The following SIK3 variants were observed in gnomAD, a reference collection of about 807,000 sequenced individuals.
The protein encoded by SIK3 is serine/threonine-protein kinase SIK3.
SIK3 carries 28 observed loss-of-function variants against 144.2 expected under a neutral mutation model. The ratio of observed to expected loss-of-function variants is 0.19; its 90% confidence interval spans 0.14 to 0.27. The LOEUF (loss-of-function observed/expected upper bound fraction) is 0.27. Ranked by LOEUF, SIK3 falls within the 10% of genes least tolerant of loss-of-function variation. The pLI, the probability that SIK3 is intolerant of heterozygous loss-of-function variation, is 1.00. For synonymous variants in SIK3, 686 were observed against 676.3 expected, an observed-to-expected ratio of 1.01 and a Z score of -0.22; for missense variants, 1,319 against 1,776.0, an observed-to-expected ratio of 0.74 and a Z score of 4.62.
At chr11:116,971,787 T>G (rs1949770339) in intron 1 of SIK3, among the ~76,000 whole-genome samples, 1 of 151,988 alleles carries the variant, frequency 6.6e-6, no homozygotes. Flanking sequence ...TTACTGCACT[T>G]GAAAAAAATG....
intron 3 of SIK3, among the ~76,000 whole-genome samples, chr11:116,941,597 A>G (rs1948309133): frequency 6.6e-6 from 1 of 152,212 alleles, no homozygotes; most frequent in Non-Finnish European, 1.5e-5. Context: ...TGAGTGACCT[A>G]TGGCATAAAT....
At chr11:117,002,871 A>G (rs1950904049) in intron 1 of SIK3, among the ~76,000 whole-genome samples, 1 of 152,200 alleles carries the variant, frequency 6.6e-6, no homozygotes. Flanking sequence ...CTGTATCCCT[A>G]AGTGAACTCT....
intron 1 of SIK3, among the ~76,000 whole-genome samples, chr11:117,095,006 T>C (rs1202504039): frequency 6.6e-6 from 1 of 151,970 alleles, no homozygotes; most frequent in Non-Finnish European, 1.5e-5. Context: ...AACAACCAAA[T>C]AGGAAAAGCT....
chr11:117,038,359 CTT>C (rs372851873), intron 1 of SIK3, among the ~76,000 whole-genome samples: 10 of 142,114 alleles, frequency 7.0e-5, no homozygotes, highest in Admixed American at 2.1e-4. Flanking sequence ...CTACAAGATA[CTT>C]TTTTTTTTTT....
chr11:116,895,865 T>C (rs2134755700), intron 6 of SIK3, among the ~76,000 whole-genome samples: 2 of 152,308 alleles, frequency 1.3e-5, no homozygotes, highest in South Asian at 4.1e-4. Flanking sequence ...GGAAATATCC[T>C]GAAAAAGGGT....
At chr11:117,085,655 A>C (rs530248973) in intron 1 of SIK3, among the ~76,000 whole-genome samples, 2 of 152,284 alleles carry the variant, frequency 1.3e-5, no homozygotes, top group Non-Finnish European at 2.9e-5. Context: ...ACTTTCATTT[A>C]TGTTTGAAAT....
At chr11:116,947,766 C>T (rs1463529890) in intron 3 of SIK3, among the ~76,000 whole-genome samples, 2 of 151,462 alleles carry the variant, frequency 1.3e-5, no homozygotes, top group African/African-American at 2.4e-5. Flanking sequence ...GGGGTTTCAC[C>T]GTGTTAGCCA....
intron 3 of SIK3, among the ~76,000 whole-genome samples, chr11:116,948,492 G>A (rs1388668502): frequency 6.6e-6 from 1 of 151,956 alleles, no homozygotes; most frequent in East Asian, 1.9e-4. Flanking sequence ...GTCCATGCTG[G>A]TACTGAACTC....
At chr11:117,008,444 C>A (rs1951132678) in intron 1 of SIK3, among the ~76,000 whole-genome samples, 1 of 149,958 alleles carries the variant, frequency 6.7e-6, no homozygotes, top group African/African-American at 2.5e-5. Flanking sequence ...TGCAAACTCA[C>A]AAGTTTGTTA....
intron 1 of SIK3, among the ~76,000 whole-genome samples, chr11:116,967,664 C>T (rs764225422): frequency 9.8e-5 from 15 of 152,316 alleles, no homozygotes; most frequent in Non-Finnish European, 2.1e-4. Context: ...TGCATTTCAT[C>T]CTCCTATTTC....
intron 4 of SIK3, among the ~76,000 whole-genome samples, chr11:116,913,412 A>G (rs1591306427): frequency 2.0e-5 from 3 of 152,166 alleles, no homozygotes; most frequent in African/African-American, 7.2e-5. Context: ...CAGGTACAAT[A>G]GCTGAACTCA....
intron 21 of SIK3, among the ~76,000 whole-genome samples, chr11:116,851,100 GGAAT>G (rs1401786474): frequency 2.0e-5 from 3 of 152,198 alleles, no homozygotes; most frequent in African/African-American, 7.2e-5. Context: ...GAGAGAAAAA[GGAAT>G]GAGTACTTCT....
chr11:117,037,788 A>C (rs959436542), intron 1 of SIK3, among the ~76,000 whole-genome samples: 4 of 133,848 alleles, frequency 3.0e-5, no homozygotes, highest in Non-Finnish European at 4.7e-5. Context: ...CAGCAGAAGA[A>C]GAAAAACACA....
chr11:117,013,911 G>GTGTGTGTGTGTGTGTGTGTGTGTAT (rs1565556646), intron 1 of SIK3, among the ~76,000 whole-genome samples: 12 of 28,512 alleles, frequency 4.2e-4, no homozygotes, highest in East Asian at 7.6e-4. Context: ...GGGGGGGGGG[G>GTGTGTGTGTGTGTGTGTGTGTGTAT]GAGGGTGTGT....
intron 1 of SIK3, among the ~76,000 whole-genome samples, chr11:117,007,781 C>G (rs1383834822): frequency 2.0e-5 from 3 of 152,132 alleles, no homozygotes; most frequent in Non-Finnish European, 4.4e-5. Flanking sequence ...TTCAATCTTC[C>G]TCATTAAAAA....
In SIK3 at chr11:116,861,294, C is replaced by G. The variant is rs774190400; in HGVS notation, c.2405G>C (p.Ser802Thr). The change falls in exon 19 of 25, where the codon AGT becomes ACT. Residue 802 changes from serine (S) to threonine (T), a missense_variant. This residue lies in a region of SIK3 where 646 missense variants were observed against 763.7 expected (regional missense o/e 0.85). Coordinates refer to ENST00000445177, the MANE Select transcript of SIK3 (RefSeq NM_001366686.3). ...CTCACCGTGAGGCTGGATCATGGCA[C>G]TGCTCATGGGGGGAGGACTATTACT... Reference protein sequence around the residue: ...QPSNSPPPMSSAMIQPHGAAS... With the variant: ...QPSNSPPPMSTAMIQPHGAAS... 1 of 1,594,222 alleles carries G rather than the reference C, an allele frequency of 6.3e-7. No individual in the cohort carries two copies. Among genetic ancestry groups the G allele is most frequent in the Admixed American group, 1.9e-5 (1 of 53,536 alleles).
In SIK3 at chr11:116,952,113, C is replaced by T. The variant is rs563028087; in HGVS notation, c.454+1931G>A. 2.0e-5 allele frequency among the ~76,000 whole-genome samples: 3 copies of T among 152,000 alleles called. No homozygotes were observed. The South Asian group carries it at 6.2e-4, about 32-fold the overall frequency. ...CCATTGTTTCCCCACCAATAAATGTCGTTCTATGAAATAAAATACCTAACA... is the reference window on the plus strand; with the variant it reads ...CCATTGTTTCCCCACCAATAAATGTTGTTCTATGAAATAAAATACCTAACA... On this transcript the variant is annotated intron_variant, in intron 3 of 24. Coordinates refer to ENST00000445177, the MANE Select transcript of SIK3 (RefSeq NM_001366686.3).
intron 1 of SIK3, among the ~76,000 whole-genome samples, chr11:117,060,529 A>G (rs997687491): frequency 6.6e-6 from 1 of 151,234 alleles, no homozygotes; most frequent in Non-Finnish European, 1.5e-5. Context: ...CCCGAGAGGC[A>G]GAGTTTGCAG....
At chr11:116,856,731 A>C (rs1425162515) in intron 21 of SIK3, among the ~76,000 whole-genome samples, 1 of 152,206 alleles carries the variant, frequency 6.6e-6, no homozygotes, top group Non-Finnish European at 1.5e-5. Context: ...TAATGAGTAC[A>C]ACCTGGCACC....
Sources: gnomAD v4.1 joint callset for allele counts (sites outside exome capture counted in the v4.1 genomes callset) on GRCh38, gnomAD v4.1.1 for gene constraint, gnomAD v4.1.1 regional missense constraint, MANE v1.5 for transcripts, NCBI Gene and HGNC (gene_info 2026-07-23, HGNC 2026-07-21) for gene names.